Variants in TLK1 observed in about 807,000 individuals in gnomAD.
TLK1 encodes tousled like kinase 1.
TLK1 carries 24 observed loss-of-function variants against 105.3 expected under a neutral mutation model. That is an observed-to-expected ratio of 0.23 (90% CI 0.17 to 0.32). The LOEUF (loss-of-function observed/expected upper bound fraction) is 0.32, where lower values mean the gene tolerates loss of function less well. Ranked by LOEUF, TLK1 falls within the 10% of genes least tolerant of loss-of-function variation. TLK1 has a pLI of 1.00. For synonymous variants in TLK1, 321 were observed against 310.4 expected (o/e 1.03, Z -0.36); for missense variants, 558 against 910.5 (o/e 0.61, Z 4.98).
At chr2:171,065,424 T>C (rs553888355) in intron 3 of TLK1, among the ~76,000 whole-genome samples, 3 of 152,298 alleles carry the variant, frequency 2.0e-5, no homozygotes, top group African/African-American at 7.2e-5. Flanking sequence ...TACTCTAATA[T>C]TAAATAGTAT....
intron 2 of TLK1, among the ~76,000 whole-genome samples, chr2:171,113,444 G>A (rs1404862617): frequency 4.6e-5 from 7 of 151,798 alleles, no homozygotes; most frequent in Non-Finnish European, 8.8e-5. Context: ...CTAATTTTTT[G>A]TATTTTTTAG....
At chr2:171,016,062 G>A (rs922709744) in intron 12 of TLK1, among the ~76,000 whole-genome samples, 1 of 151,994 alleles carries the variant, frequency 6.6e-6, no homozygotes, top group African/African-American at 2.4e-5. Context: ...TGGGCAACAA[G>A]AGGGAAACTC....
At chr2:171,079,958 T>G (rs1416801425) in intron 3 of TLK1, among the ~76,000 whole-genome samples, 1 of 152,140 alleles carries the variant, frequency 6.6e-6, no homozygotes, top group Non-Finnish European at 1.5e-5. Context: ...GCATATTAAT[T>G]ATATTAAAAT....
intron 2 of TLK1, among the ~76,000 whole-genome samples, chr2:171,113,978 C>CA (rs1412643139): frequency 6.6e-6 from 1 of 151,820 alleles, no homozygotes; most frequent in African/African-American, 2.4e-5. Flanking sequence ...AGGGATCATC[C>CA]AAAAAACAAA....
At chr2:171,127,194 T>C (rs560633127) in intron 1 of TLK1, among the ~76,000 whole-genome samples, 1 of 151,510 alleles carries the variant, frequency 6.6e-6, no homozygotes, top group East Asian at 1.9e-4. Context: ...CGAGAATCAC[T>C]TGAACCCGGG....
intron 1 of TLK1, among the ~76,000 whole-genome samples, chr2:171,137,677 C>T (rs1365581051): frequency 1.3e-5 from 2 of 151,880 alleles, no homozygotes; most frequent in African/African-American, 2.4e-5. Flanking sequence ...GGTGAAACCC[C>T]GTCTCTACTA....
In TLK1 at chr2:170,992,232, A is replaced by G. The variant is rs541771207; in HGVS notation, c.*1548T>C. ...CTCTCTACAATTTCAGCAGCATTTT[A>G]AAGAGACAATGTGTCTATGTACAAT... On this transcript the variant is annotated 3_prime_UTR_variant, in exon 21 of 21. Transcript: ENST00000431350. 2.6e-5 allele frequency: 4 copies of G among 152,296 alleles called. No homozygotes were observed. The highest frequency in any genetic ancestry group is 9.6e-5 in the African/African-American group (4 of 41,584). The allele number at this position is 152,296 out of a possible 1,614,324, so 9.4% of individuals were successfully genotyped here. A position where few individuals can be genotyped will look rare whatever the true frequency, so the allele number is the denominator to read the frequency against.
intron 1 of TLK1, among the ~76,000 whole-genome samples, chr2:171,129,920 C>G (rs1479665781): frequency 2.6e-5 from 4 of 151,562 alleles, no homozygotes; most frequent in Non-Finnish European, 4.4e-5. Context: ...AATATTCATA[C>G]AGTGATTTCA....
intron 1 of TLK1, among the ~76,000 whole-genome samples, chr2:171,132,449 C>G (rs1461886678): frequency 6.6e-6 from 1 of 152,110 alleles, no homozygotes; most frequent in Non-Finnish European, 1.5e-5. Flanking sequence ...GTTACTTACC[C>G]CCCCCAACAC....
chr2:171,096,288 C>T (rs1575592885), intron 2 of TLK1, among the ~76,000 whole-genome samples: 1 of 151,926 alleles, frequency 6.6e-6, no homozygotes, highest in African/African-American at 2.4e-5. Flanking sequence ...ATGCTTCAGG[C>T]CAGGAGTTCA....
rs1206012163 is a variant in TLK1 at position 171,050,111 on chromosome 2, G to T, written c.796C>A (p.Arg266=). 4 of 1,599,488 alleles carry T rather than the reference G, an allele frequency of 2.5e-6. No individual in the cohort carries two copies. Among genetic ancestry groups the T allele is most frequent in the South Asian group, 2.2e-5 (2 of 89,878 alleles). Reference sequence around the variant, plus strand: ...CTCATTGATATGCACTTATTTAATCGTTCTTTGTATTTTTCAAGTAATTTT... The same window carrying T: ...CTCATTGATATGCACTTATTTAATCTTTCTTTGTATTTTTCAAGTAATTTT... ...QQKLLEKYKE[R]LNKCISMSKK... Residue 266 remains arginine (R), a synonymous_variant, in exon 9 of 21, where the codon CGA becomes AGA. Coordinates refer to ENST00000431350, the MANE Select transcript of TLK1 (RefSeq NM_012290.5).
chr2:171,198,427 G>T (rs747745406), intron 1 of TLK1, among the ~76,000 whole-genome samples: 1 of 152,118 alleles, frequency 6.6e-6, no homozygotes, highest in Non-Finnish European at 1.5e-5. Context: ...AAATATTTGC[G>T]TCTTATGGAT....
Position 171,049,740 on chromosome 2 carries a change from C to T in TLK1, c.980+74G>A, listed in dbSNP as rs1374518461. The T allele has an allele frequency of 3.2e-6, 5 of 1,569,924 alleles. No homozygotes were observed. In the African/African-American group the frequency reaches 6.9e-5, roughly 22 times the overall value. On this transcript the variant is annotated intron_variant, in intron 10 of 20. Transcript: ENST00000431350. ...AGCGAGGAACTGGAGAGCATAATTA[C>T]AAATCTATAATCTTTTAAAGTAATG...
intron 1 of TLK1, among the ~76,000 whole-genome samples, chr2:171,201,909 C>G (rs1031010487): frequency 6.6e-6 from 1 of 151,156 alleles, no homozygotes; most frequent in African/African-American, 2.4e-5. Flanking sequence ...ATCTATCTAT[C>G]TATCTATCTA....
intron 1 of TLK1, among the ~76,000 whole-genome samples, chr2:171,211,970 C>T (rs1455098073): frequency 2.0e-5 from 3 of 151,882 alleles, no homozygotes; most frequent in African/African-American, 7.3e-5. Context: ...CTCAGTCACC[C>T]GAGTAGCTGG....
At chr2:171,227,568 CTTTTTTTTTTT>C (rs71401413) in intron 1 of TLK1, among the ~76,000 whole-genome samples, 42 of 55,518 alleles carry the variant, frequency 7.6e-4, no homozygotes, top group African/African-American at 1.7e-3. Context: ...AGTAAATCTC[CTTTTTTTTTTT>C]TTTTTTTTTT....
intron 1 of TLK1, among the ~76,000 whole-genome samples, chr2:171,123,352 A>G (rs1461708485): frequency 2.7e-5 from 4 of 146,108 alleles, no homozygotes; most frequent in Non-Finnish European, 6.0e-5. Context: ...ACATGCCACC[A>G]TGCCTGGCTA....
chr2:171,139,140 C>G lies in TLK1; in HGVS notation c.139+21150G>C, dbSNP rs867504440. ...AATTGAGTACAGAGCTGAGAAAATA[C>G]CCAGCATTAAAGGAATAGGATATAT... On this transcript the variant is annotated intron_variant, in intron 1 of 20. Transcript: ENST00000431350. Among the ~76,000 whole-genome samples, 21 of 152,134 alleles carry G rather than the reference C, an allele frequency of 1.4e-4. No individual in the cohort carries two copies. In the Middle Eastern group the frequency reaches 0.01, roughly 74 times the overall value.
intron 1 of TLK1, among the ~76,000 whole-genome samples, chr2:171,205,987 A>G (rs143658683): frequency 4.3e-4 from 66 of 152,326 alleles, no homozygotes; most frequent in African/African-American, 1.5e-3. Flanking sequence ...GCAACAACTA[A>G]GTGCTTTATG....
Sources: allele counts gnomAD v4.1 joint callset (sites outside exome capture counted in the v4.1 genomes callset), GRCh38; gene constraint gnomAD v4.1.1; transcripts MANE v1.5; gene names NCBI Gene and HGNC (gene_info 2026-07-23, HGNC 2026-07-21).